LCLAT1: variants seen among roughly 807,000 people sequenced by gnomAD.
LCLAT1 encodes the protein lysocardiolipin acyltransferase 1.
Under a neutral mutation model 30.7 loss-of-function variants are expected in LCLAT1, and 11 were observed. That is an observed-to-expected ratio of 0.36 (90% CI 0.23 to 0.59). The LOEUF (loss-of-function observed/expected upper bound fraction) is 0.59, where lower values mean the gene tolerates loss of function less well. Ranked by LOEUF, LCLAT1 falls within the 20% of genes least tolerant of loss-of-function variation. LCLAT1 has a pLI of 0.77. For synonymous variants in LCLAT1, 155 were observed against 151.3 expected, an observed-to-expected ratio of 1.02 and a Z score of -0.18; for missense variants, 402 against 458.6, an observed-to-expected ratio of 0.88 and a Z score of 1.13.
At chr2:30,607,041 T>C (rs1667476849) in intron 5 of LCLAT1, 1 of 151,968 alleles carries the variant, frequency 6.6e-6, no homozygotes, top group Non-Finnish European at 1.5e-5. Flanking sequence ...TGAGATACCA[T>C]CTCACACCAG....
At chr2:30,563,609 A>C (rs1016543817) in intron 4 of LCLAT1, among the ~76,000 whole-genome samples, 1 of 152,226 alleles carries the variant, frequency 6.6e-6, no homozygotes, top group African/African-American at 2.4e-5. Context: ...TAAAATCTGT[A>C]GTAGTATGGG....
At chr2:30,610,089 C>T (rs1162775985) in intron 5 of LCLAT1, among the ~76,000 whole-genome samples, 1 of 152,124 alleles carries the variant, frequency 6.6e-6, no homozygotes, top group Non-Finnish European at 1.5e-5. Context: ...AGCCATACCC[C>T]CTGCATTTTT....
At chr2:30,496,636 C>G (rs1197062068) in intron 1 of LCLAT1, among the ~76,000 whole-genome samples, 3 of 152,164 alleles carry the variant, frequency 2.0e-5, no homozygotes, top group African/African-American at 7.2e-5. Context: ...TTTGTAAACT[C>G]TGTGTAAATG....
chr2:30,604,278 C>T (rs1667325314), intron 5 of LCLAT1, among the ~76,000 whole-genome samples: 1 of 152,080 alleles, frequency 6.6e-6, no homozygotes, highest in African/African-American at 2.4e-5. Context: ...CTTCTATGTT[C>T]TTTAGGACTG....
At chr2:30,547,393 G>T (rs1664473793) in intron 3 of LCLAT1, among the ~76,000 whole-genome samples, 1 of 152,248 alleles carries the variant, frequency 6.6e-6, no homozygotes, top group Admixed American at 6.5e-5. Context: ...AATAACTAAA[G>T]GTCAGAAGTA....
chr2:30,570,499 G>A (rs1480348021), intron 5 of LCLAT1, among the ~76,000 whole-genome samples: 1 of 152,114 alleles, frequency 6.6e-6, no homozygotes, highest in Non-Finnish European at 1.5e-5. Flanking sequence ...ACTGTACATG[G>A]TAGTTATAAA....
At chr2:30,532,856 C>G (rs1295619632) in intron 2 of LCLAT1, among the ~76,000 whole-genome samples, 1 of 151,724 alleles carries the variant, frequency 6.6e-6, no homozygotes, top group African/African-American at 2.4e-5. Flanking sequence ...ATACTTTTTG[C>G]TTAATAAGAT....
At chr2:30,536,595 C>T (rs1186566986) in intron 3 of LCLAT1, among the ~76,000 whole-genome samples, 1 of 152,168 alleles carries the variant, frequency 6.6e-6, no homozygotes, top group Non-Finnish European at 1.5e-5. Flanking sequence ...TGAGGGAATT[C>T]ATCATCACTA....
intron 1 of LCLAT1, among the ~76,000 whole-genome samples, chr2:30,504,622 T>C (rs68085725): frequency 0.18 from 27,499 of 152,174 alleles, 2,996 homozygotes; most frequent in Non-Finnish European, 0.24. Flanking sequence ...GCTTTGATTA[T>C]GGGATCATGG....
intron 5 of LCLAT1, among the ~76,000 whole-genome samples, chr2:30,636,590 TTCA>T (rs1455516110): frequency 6.6e-6 from 1 of 152,110 alleles, no homozygotes; most frequent in Non-Finnish European, 1.5e-5. Context: ...TCTAGAATCT[TTCA>T]TCAAGGAAAA....
At chr2:30,517,488 A>G (rs567934607) in intron 1 of LCLAT1, among the ~76,000 whole-genome samples, 2 of 152,332 alleles carry the variant, frequency 1.3e-5, no homozygotes, top group Admixed American at 1.3e-4. Flanking sequence ...CCCACCTGCA[A>G]TGCAATCTCC....
chr2:30,585,919 G>T (rs2148471909), intron 5 of LCLAT1, among the ~76,000 whole-genome samples: 1 of 152,194 alleles, frequency 6.6e-6, no homozygotes, highest in Non-Finnish European at 1.5e-5. Flanking sequence ...TAATTTTCTA[G>T]GGCTGCTGTA....
At chr2:30,480,569 A>G (rs891629806) in intron 1 of LCLAT1, among the ~76,000 whole-genome samples, 1 of 152,252 alleles carries the variant, frequency 6.6e-6, no homozygotes, top group African/African-American at 2.4e-5. Context: ...TCTTTTTTAT[A>G]TTAAGCCCTC....
Position 30,641,848 on chromosome 2 carries a change from A to G in LCLAT1, c.*1229A>G, listed in dbSNP as rs1162470349. On this transcript the variant is annotated 3_prime_UTR_variant, in exon 6 of 6. Transcript: ENST00000379509. ...AGCACCAGTCTTCTTCTGAGGCAAA[A>G]GAAAAGTGTTGTCATTTTCACTCTG... The G allele has an allele frequency of 6.6e-6, 1 of 151,938 alleles. No individual in the cohort carries two copies. Among genetic ancestry groups the G allele is most frequent in the Admixed American group, 6.6e-5 (1 of 15,252 alleles). 9.4% of individuals were successfully genotyped at this position (151,938 alleles called of 1,614,324 possible). A position where few individuals can be genotyped will look rare whatever the true frequency, so the allele number is the denominator to read the frequency against.
At chr2:30,540,362 C>T (rs1455188114) in intron 3 of LCLAT1, among the ~76,000 whole-genome samples, 2 of 152,002 alleles carry the variant, frequency 1.3e-5, no homozygotes, top group Non-Finnish European at 2.9e-5. Flanking sequence ...ATTTTTAACC[C>T]ATCCACTGTT....
intron 1 of LCLAT1, among the ~76,000 whole-genome samples, chr2:30,524,395 A>G (rs975833735): frequency 1.3e-5 from 2 of 152,238 alleles, no homozygotes; most frequent in Non-Finnish European, 2.9e-5. Context: ...AAAAATTTCA[A>G]TGTACTCTGC....
intron 1 of LCLAT1, among the ~76,000 whole-genome samples, chr2:30,483,524 T>A (rs1341564608): frequency 3.9e-5 from 6 of 152,184 alleles, no homozygotes; most frequent in Admixed American, 3.9e-4. Context: ...AGGGTTGTTC[T>A]GAGGATTTAA....
At chr2:30,453,931 T>C (rs1042678201) in intron 1 of LCLAT1, among the ~76,000 whole-genome samples, 8 of 152,228 alleles carry the variant, frequency 5.3e-5, no homozygotes, top group African/African-American at 1.9e-4. Flanking sequence ...ATTTTACTTA[T>C]GAGGAAACAG....
intron 5 of LCLAT1, among the ~76,000 whole-genome samples, chr2:30,597,403 C>T (rs997601077): frequency 2.0e-5 from 3 of 152,100 alleles, no homozygotes; most frequent in African/African-American, 7.2e-5. Context: ...CTCTTTGTAT[C>T]AGTTGTGAAT....
Sources: gnomAD v4.1 joint callset for allele counts (sites outside exome capture counted in the v4.1 genomes callset) on GRCh38, gnomAD v4.1.1 for gene constraint, MANE v1.5 for transcripts, NCBI Gene and HGNC (gene_info 2026-07-23, HGNC 2026-07-21) for gene names.